Variants in SPRY3 observed in about 807,000 individuals in gnomAD.
The protein encoded by SPRY3 is sprouty RTK signaling antagonist 3, also known as protein sprouty homolog 3.
Under a neutral mutation model 20.2 loss-of-function variants are expected in SPRY3, and 15 were observed. That is an observed-to-expected ratio of 0.74 (90% CI 0.50 to 1.14). SPRY3 has a LOEUF of 1.14. Among genes scored for constraint, SPRY3 ranks in the 50% most tolerant of loss-of-function variants. The pLI is 0.00. For synonymous variants in SPRY3, 143 were observed against 136.5 expected, an observed-to-expected ratio of 1.05 and a Z score of -0.33; for missense variants, 364 against 363.9, an observed-to-expected ratio of 1.00 and a Z score of 0.00.
At chrX:155,643,298 C>T (rs1280789541) in intron 1 of SPRY3, among the ~76,000 whole-genome samples, 1 of 111,496 alleles carries the variant, frequency 9.0e-6, no homozygotes, top group Non-Finnish European at 1.9e-5. Flanking sequence ...ACTACTCCTG[C>T]TCTTTTTTTG....
At chrX:155,682,506 T>G (rs1318822897) in intron 2 of SPRY3, among the ~76,000 whole-genome samples, 1 of 111,677 alleles carries the variant, frequency 9.0e-6, no homozygotes, top group African/African-American at 3.3e-5. Context: ...ACAAAGACTT[T>G]CAAGCCTTGT....
chrX:155,774,393 C>T (rs775002613), exon 4 of SPRY3: 10 of 1,614,028 alleles, frequency 6.2e-6, no homozygotes, highest in Non-Finnish European at 8.5e-6. Flanking sequence ...ACCAGCGCTG[C>T]CTTTGCTCTG....
chrX:155,748,978 C>G (rs2091243834), intron 2 of SPRY3, among the ~76,000 whole-genome samples: 1 of 151,636 alleles, frequency 6.6e-6, no homozygotes, highest in African/African-American at 2.4e-5. Flanking sequence ...TCAACCAACA[C>G]AATAACTAAT....
chrX:155,663,490 G>T (rs1378148211), intron 2 of SPRY3, among the ~76,000 whole-genome samples: 2 of 111,399 alleles, frequency 1.8e-5, no homozygotes, highest in Non-Finnish European at 3.8e-5. Context: ...GGCTAGGTCA[G>T]AAAGAGAGGA....
intron 2 of SPRY3, among the ~76,000 whole-genome samples, chrX:155,756,497 A>G (rs1352236191): frequency 1.3e-5 from 2 of 152,120 alleles, no homozygotes; most frequent in African/African-American, 4.8e-5. Context: ...ATATAAAGAT[A>G]TATTTGAAGC....
At chrX:155,749,842 T>A (rs1463443056) in intron 2 of SPRY3, among the ~76,000 whole-genome samples, 1 of 151,834 alleles carries the variant, frequency 6.6e-6, no homozygotes, top group African/African-American at 2.4e-5. Context: ...CTAGGAGATG[T>A]GTTTTAAATA....
chrX:155,772,681 T>G (rs2091388107), intron 3 of SPRY3, among the ~76,000 whole-genome samples: 1 of 152,164 alleles, frequency 6.6e-6, no homozygotes, highest in African/African-American at 2.4e-5. Context: ...GTCATCATTA[T>G]CAGTTCTAGG....
At chrX:155,757,437 C>T (rs2091287694) in intron 2 of SPRY3, among the ~76,000 whole-genome samples, 1 of 152,170 alleles carries the variant, frequency 6.6e-6, no homozygotes, top group Admixed American at 6.5e-5. Context: ...AGCAATTCTC[C>T]TCACCCTTTG....
At chrX:155,703,906 T>C (rs1351265095) in intron 2 of SPRY3, among the ~76,000 whole-genome samples, 2 of 151,914 alleles carry the variant, frequency 1.3e-5, no homozygotes, top group Admixed American at 6.6e-5. Context: ...AAATTCTCTA[T>C]AAAAATTTGA....
At chrX:155,693,816 T>C (rs1483327120) in intron 2 of SPRY3, among the ~76,000 whole-genome samples, 1 of 98,979 alleles carries the variant, frequency 1.0e-5, no homozygotes, top group African/African-American at 3.7e-5. Context: ...TTTTTCTTTT[T>C]CTTAGAGACA....
At chrX:155,772,179 C>A (rs1020633060) in intron 3 of SPRY3, among the ~76,000 whole-genome samples, 3 of 152,076 alleles carry the variant, frequency 2.0e-5, no homozygotes, top group African/African-American at 7.2e-5. Flanking sequence ...ATGTGATATG[C>A]CAAAAAGGTT....
chrX:155,725,203 C>A (rs1319887969), intron 2 of SPRY3, among the ~76,000 whole-genome samples: 1 of 152,142 alleles, frequency 6.6e-6, no homozygotes, highest in Non-Finnish European at 1.5e-5. Flanking sequence ...TTTTGATGTG[C>A]TGCTAGATTC....
exon 4 of SPRY3, chrX:155,773,827 G>T: frequency 6.3e-7 from 1 of 1,585,686 alleles, no homozygotes; most frequent in Non-Finnish European, 8.6e-7. Flanking sequence ...CACCATAAGT[G>T]CCACCCTGAC....
At chrX:155,724,185 C>A (rs1216685904) in intron 2 of SPRY3, among the ~76,000 whole-genome samples, 1 of 152,098 alleles carries the variant, frequency 6.6e-6, no homozygotes, top group Non-Finnish European at 1.5e-5. Flanking sequence ...TTGGTTACTG[C>A]AGTCTTGCAG....
exon 4 of SPRY3, chrX:155,773,965 C>T: frequency 1.2e-6 from 2 of 1,614,004 alleles, no homozygotes; most frequent in Non-Finnish European, 1.7e-6. Context: ...GGAACGGCCT[C>T]CAGCCCCCTG....
chrX:155,758,707 G>A (rs2124589540), intron 2 of SPRY3, among the ~76,000 whole-genome samples: 1 of 152,316 alleles, frequency 6.6e-6, no homozygotes, highest in Non-Finnish European at 1.5e-5. Flanking sequence ...TTGTGTGGAA[G>A]CATGTGTTTT....
chrX:155,636,142 G>A (rs1444957075), intron 1 of SPRY3, among the ~76,000 whole-genome samples: 2 of 111,494 alleles, frequency 1.8e-5, no homozygotes, highest in African/African-American at 6.5e-5. Flanking sequence ...ATTGGAAGTT[G>A]AGACTGCCAC....
intron 2 of SPRY3, among the ~76,000 whole-genome samples, chrX:155,745,690 A>G (rs1309796205): frequency 6.6e-6 from 1 of 152,086 alleles, no homozygotes; most frequent in Non-Finnish European, 1.5e-5. Flanking sequence ...TCTGCACATA[A>G]AAGTATTTAC....
intron 1 of SPRY3, among the ~76,000 whole-genome samples, chrX:155,654,893 T>G (rs2067987579): frequency 1.8e-5 from 2 of 111,574 alleles, no homozygotes; most frequent in Admixed American, 1.9e-4. Context: ...ATAGTGAGAT[T>G]GCTAGATTGA....
Sources: allele counts gnomAD v4.1 joint callset (sites outside exome capture counted in the v4.1 genomes callset), GRCh38; gene constraint gnomAD v4.1.1; transcripts MANE v1.5; gene names NCBI Gene and HGNC (gene_info 2026-07-23, HGNC 2026-07-21).